ZBTB44: variants seen among roughly 807,000 people sequenced by gnomAD.
ZBTB44 encodes the protein zinc finger and BTB domain containing 44.
In ZBTB44, 15 loss-of-function variants were observed where a neutral mutation model predicts 54.0. The observed-to-expected ratio is 0.28, with a 90% CI of 0.19 to 0.43. The LOEUF (loss-of-function observed/expected upper bound fraction) is 0.43. Among genes scored for constraint, ZBTB44 ranks in the 20% least tolerant of loss-of-function variants. ZBTB44 has a pLI of 1.00. For synonymous variants in ZBTB44, 230 were observed against 250.1 expected (o/e 0.92, Z 0.76); for missense variants, 487 against 707.1 (o/e 0.69, Z 3.53).
chr11:130,236,895 C>T lies in ZBTB44; in HGVS notation c.1466G>A (p.Cys489Tyr). The change falls in exon 5 of 8, where the codon TGC becomes TAC. Residue 489 changes from cysteine to tyrosine, a missense_variant. This residue lies in a region of ZBTB44 where 120 missense variants were observed against 240.3 expected (regional missense o/e 0.50). Transcript: ENST00000357899. Reference sequence around the variant, plus strand: ...GGTGAACATGGCGCCACATGTTTTGCACTCGTAAATCCGAGGCTTGCGGAT... The same window carrying T: ...GGTGAACATGGCGCCACATGTTTTGTACTCGTAAATCCGAGGCTTGCGGAT... ...HIIRKPRIYE[C>Y]KTCGAMFTNS... The T allele has an allele frequency of 6.4e-7, 1 of 1,569,754 alleles. No individual in the cohort carries two copies. The highest frequency in any genetic ancestry group is 8.6e-7 in the Non-Finnish European group (1 of 1,159,482).
rs547950952 is a variant in ZBTB44 at position 130,264,402 on chromosome 11, G to GTA, written c.-56-2475_-56-2474dup. Among the ~76,000 whole-genome samples, 50 of 152,258 alleles carry GTA rather than the reference G, an allele frequency of 3.3e-4. 1 individual carries two copies. The East Asian group carries it at 7.3e-3, about 22-fold the overall frequency. On this transcript the variant is annotated intron_variant, in intron 1 of 7. Transcript: ENST00000357899. Reference sequence around the variant, plus strand: ...CACCTAACTCTTCAACTGCAGGCCTGTAGTAGGCCTGAGGTGGGAAAGGAG... The same window carrying GTA: ...CACCTAACTCTTCAACTGCAGGCCTGTATAGTAGGCCTGAGGTGGGAAAGGAG...
At chr11:130,240,671 T>A (rs997209677) in intron 2 of ZBTB44, among the ~76,000 whole-genome samples, 5 of 152,220 alleles carry the variant, frequency 3.3e-5, no homozygotes, top group African/African-American at 4.8e-5. Flanking sequence ...TCCCCATTCA[T>A]CCTTCCCTGA....
chr11:130,286,882 G>A (rs996972744), intron 1 of ZBTB44, among the ~76,000 whole-genome samples: 1 of 152,186 alleles, frequency 6.6e-6, no homozygotes, highest in Non-Finnish European at 1.5e-5. Context: ...CCAGTGCCCA[G>A]CACAGACTGT....
intron 2 of ZBTB44, among the ~76,000 whole-genome samples, chr11:130,250,974 C>T (rs113037661): frequency 6.6e-5 from 10 of 152,252 alleles, no homozygotes; most frequent in South Asian, 2.1e-4. Context: ...TTCAGAAGGT[C>T]GGTAATAACA....
chr11:130,233,851 A>C (rs1311820108), intron 6 of ZBTB44: 16 of 1,177,966 alleles, frequency 1.4e-5, no homozygotes, highest in African/African-American at 1.6e-5. Context: ...AGGGCTCAGA[A>C]AGTAAAAAGG....
chr11:130,242,696 T>C (rs1029562534), intron 2 of ZBTB44, among the ~76,000 whole-genome samples: 11 of 152,140 alleles, frequency 7.2e-5, no homozygotes, highest in African/African-American at 2.7e-4. Flanking sequence ...TGGTAAAAAG[T>C]CATATTCTTT....
intron 2 of ZBTB44, among the ~76,000 whole-genome samples, chr11:130,247,743 G>GA (rs35679069): frequency 2.2e-4 from 33 of 150,908 alleles, no homozygotes; most frequent in Admixed American, 1.5e-3. Context: ...AAGCCAGTGA[G>GA]AAAAAAAAAC....
At position 130,246,629 on chromosome 11, in the gene ZBTB44, T is replaced by C. The variant is rs953655058; in HGVS notation, c.1019-6733A>G. Among the ~76,000 whole-genome samples, 6 of 152,212 alleles carry C rather than the reference T, an allele frequency of 3.9e-5. 1 individual carries two copies. The highest frequency in any genetic ancestry group is 4.4e-5 in the Non-Finnish European group (3 of 68,036). ...GATACTTACAAAGATCCCTCTGGAA[T>C]TGAAAAGCAATTACAGTGGTCATCT... On this transcript the variant is annotated intron_variant, in intron 2 of 7. Coordinates refer to ENST00000357899, the MANE Select transcript of ZBTB44 (RefSeq NM_001301098.2).
At chr11:130,308,124 C>A (rs1458680202) in intron 1 of ZBTB44, among the ~76,000 whole-genome samples, 1 of 152,216 alleles carries the variant, frequency 6.6e-6, no homozygotes, top group Non-Finnish European at 1.5e-5. Context: ...GCATTCAGTA[C>A]AGTAACATGC....
intron 2 of ZBTB44, among the ~76,000 whole-genome samples, chr11:130,252,683 T>C (rs894470845): frequency 3.3e-5 from 5 of 152,002 alleles, no homozygotes; most frequent in Non-Finnish European, 7.4e-5. Flanking sequence ...TTCCAATCAG[T>C]AGAAAAAGAG....
At chr11:130,262,739 G>GA (rs112468499) in intron 1 of ZBTB44, among the ~76,000 whole-genome samples, 2,018 of 145,068 alleles carry the variant, frequency 0.014, 47 homozygotes, top group African/African-American at 0.046. Flanking sequence ...GAAGTGGAAA[G>GA]AAAAAAAAAA....
rs1474512250 is a variant in ZBTB44 at position 130,228,752 on chromosome 11, T to TG, written c.*3011dup. ...ATCTAAATGTGGCTAGATTGGCATT[T>TG]GGGAAAACAAGGGCCTTTTAATAAA... On this transcript the variant is annotated 3_prime_UTR_variant, in exon 8 of 8. Coordinates refer to ENST00000357899, the MANE Select transcript of ZBTB44 (RefSeq NM_001301098.2). 1 of 152,170 alleles carries TG rather than the reference T, an allele frequency of 6.6e-6. No individual in the cohort carries two copies. The highest frequency in any genetic ancestry group is 6.5e-5 in the Admixed American group (1 of 15,276). The allele number at this position is 152,170 out of a possible 1,614,324, so 9.4% of individuals were successfully genotyped here.
chr11:130,293,624 A>AG (rs1454785105), intron 1 of ZBTB44, among the ~76,000 whole-genome samples: 10 of 146,076 alleles, frequency 6.8e-5, no homozygotes, highest in African/African-American at 2.2e-4. Context: ...TACTTAAAGA[A>AG]AAAAAAAAAA....
At chr11:130,313,538 A>G (rs767607914) in intron 1 of ZBTB44, among the ~76,000 whole-genome samples, 1 of 152,232 alleles carries the variant, frequency 6.6e-6, no homozygotes, top group Non-Finnish European at 1.5e-5. Flanking sequence ...AAGAATTCCA[A>G]CTGAACACCT....
intron 2 of ZBTB44, among the ~76,000 whole-genome samples, chr11:130,258,389 G>C (rs1938598653): frequency 7.1e-6 from 1 of 140,278 alleles, no homozygotes; most frequent in South Asian, 2.1e-4. Flanking sequence ...TTCACACCAA[G>C]ATAAGTGCAC....
At chr11:130,247,171 CT>C (rs1286454384) in intron 2 of ZBTB44, among the ~76,000 whole-genome samples, 3 of 152,168 alleles carry the variant, frequency 2.0e-5, no homozygotes, top group African/African-American at 7.2e-5. Flanking sequence ...ACAACCAGCC[CT>C]AAAAACCCCA....
Position 130,228,268 on chromosome 11 carries a change from T to C in ZBTB44, c.*3496A>G, listed in dbSNP as rs1953756900. On this transcript the variant is annotated 3_prime_UTR_variant, in exon 8 of 8. Transcript: ENST00000357899. ...AAAAAATACCTTGAGATATAAGCAT[T>C]AGAAGTCATCACTTTGTACAAGGAA... 6.6e-6 allele frequency: 1 copy of C among 152,186 alleles called. No individual in the cohort carries two copies. The highest frequency in any genetic ancestry group is 1.5e-5 in the Non-Finnish European group (1 of 68,034). 9.4% of individuals were successfully genotyped at this position (152,186 alleles called of 1,614,324 possible). A position where few individuals can be genotyped will look rare whatever the true frequency, so the allele number is the denominator to read the frequency against.
At chr11:130,290,196 G>A (rs1255887379) in intron 1 of ZBTB44, among the ~76,000 whole-genome samples, 3 of 152,178 alleles carry the variant, frequency 2.0e-5, no homozygotes, top group South Asian at 2.1e-4. Context: ...GTGTAGCAAC[G>A]TGAAGACCAG....
intron 2 of ZBTB44, among the ~76,000 whole-genome samples, chr11:130,257,938 T>C (rs1938571267): frequency 6.6e-6 from 1 of 152,148 alleles, no homozygotes; most frequent in South Asian, 2.1e-4. Context: ...CTCACTTATC[T>C]TTTCTACTGC....
Sources: allele counts gnomAD v4.1 joint callset (sites outside exome capture counted in the v4.1 genomes callset), GRCh38; gene constraint gnomAD v4.1.1; regional missense constraint gnomAD v4.1.1; transcripts MANE v1.5; gene names NCBI Gene and HGNC (gene_info 2026-07-23, HGNC 2026-07-21).